MBNL2: variants seen among roughly 807,000 people sequenced by gnomAD.
The protein encoded by MBNL2 is muscleblind like splicing regulator 2, also known as muscleblind-like protein 2.
MBNL2 carries 17 observed loss-of-function variants against 41.9 expected under a neutral mutation model. The ratio of observed to expected loss-of-function variants is 0.41; its 90% CI spans 0.28 to 0.61. MBNL2 has a LOEUF of 0.61. Among genes scored for constraint, MBNL2 ranks in the 20% least tolerant of loss-of-function variants. The pLI is 0.35. For synonymous variants in MBNL2, 195 were observed against 182.9 expected, an observed-to-expected ratio of 1.07 and a Z score of -0.53; for missense variants, 336 against 505.6, an observed-to-expected ratio of 0.66 and a Z score of 3.22.
chr13:97,236,213 A>G (rs371004692), intron 1 of MBNL2, among the ~76,000 whole-genome samples: 1 of 152,136 alleles, frequency 6.6e-6, no homozygotes, highest in African/African-American at 2.4e-5. Context: ...TCCTACACAC[A>G]AAATTACTCC....
chr13:97,148,938 C>A, the MBNL2 span, among the ~76,000 whole-genome samples: 482 of 152,334 alleles, frequency 3.2e-3, 7 homozygotes, highest in African/African-American at 0.011. Flanking sequence ...CACACAAGAA[C>A]ATTTCCATTT....
At chr13:97,291,352 C>T (rs993626544) in intron 2 of MBNL2, among the ~76,000 whole-genome samples, 7 of 152,014 alleles carry the variant, frequency 4.6e-5, no homozygotes, top group African/African-American at 1.7e-4. Flanking sequence ...AGCGATTCTC[C>T]TGCCTCAGCC....
At chr13:97,168,528 T>G in the MBNL2 span, among the ~76,000 whole-genome samples, 1 of 152,220 alleles carries the variant, frequency 6.6e-6, no homozygotes, top group Non-Finnish European at 1.5e-5. Context: ...ATATTCTAAA[T>G]AATTTTTAAC....
chr13:97,208,265 C>T, the MBNL2 span, among the ~76,000 whole-genome samples: 114 of 152,078 alleles, frequency 7.5e-4, no homozygotes, highest in Non-Finnish European at 1.4e-3. Context: ...TTTTATTTTC[C>T]GAGATCATGT....
the MBNL2 span, among the ~76,000 whole-genome samples, chr13:97,203,618 G>A: frequency 6.6e-6 from 1 of 152,002 alleles, no homozygotes; most frequent in East Asian, 1.9e-4. Context: ...TCTTGGCATG[G>A]CCTCCCCTGC....
intron 8 of MBNL2, among the ~76,000 whole-genome samples, chr13:97,389,223 C>T (rs1484161653): frequency 6.6e-6 from 1 of 152,216 alleles, no homozygotes; most frequent in African/African-American, 2.4e-5. Flanking sequence ...TCGTCAAATA[C>T]AAGTTCAAAG....
intron 2 of MBNL2, among the ~76,000 whole-genome samples, chr13:97,291,906 A>AAAT (rs1342526600): frequency 7.2e-6 from 1 of 138,176 alleles, no homozygotes; most frequent in Admixed American, 7.3e-5. Context: ...GTCTCAAAAA[A>AAAT]AAAAAAAAAA....
intron 2 of MBNL2, among the ~76,000 whole-genome samples, chr13:97,286,069 C>T (rs1043516947): frequency 2.0e-5 from 3 of 152,226 alleles, no homozygotes; most frequent in Non-Finnish European, 4.4e-5. Flanking sequence ...AATCCAACGA[C>T]CATAAACATT....
intron 5 of MBNL2, among the ~76,000 whole-genome samples, chr13:97,352,699 T>C (rs571407900): frequency 1.3e-5 from 2 of 152,216 alleles, no homozygotes; most frequent in African/African-American, 4.8e-5. Context: ...AGACTCAACA[T>C]AGGGTTGCCA....
At chr13:97,303,276 T>A (rs2057811819) in intron 2 of MBNL2, among the ~76,000 whole-genome samples, 1 of 152,082 alleles carries the variant, frequency 6.6e-6, no homozygotes, top group Non-Finnish European at 1.5e-5. Flanking sequence ...CAGATTTGGA[T>A]GGCAGAAGTC....
At chr13:97,380,389 G>T (rs2153156031) in intron 8 of MBNL2, among the ~76,000 whole-genome samples, 1 of 152,244 alleles carries the variant, frequency 6.6e-6, no homozygotes, top group Non-Finnish European at 1.5e-5. Flanking sequence ...AGCTACTCGG[G>T]AGGCTGAGAC....
chr13:97,348,019 C>T lies in MBNL2; in HGVS notation c.804+952C>T, dbSNP rs577695470. On this transcript the variant is annotated intron_variant, in intron 5 of 8. Coordinates refer to ENST00000679496, the MANE Select transcript of MBNL2 (RefSeq NM_001382683.1). ...GGTCTGACCTGACATCTGTCCCTTT[C>T]CCTGAAGTTTCTTATTTTCTTATTT... Among the ~76,000 whole-genome samples, 40 of 151,584 alleles carry T rather than the reference C, an allele frequency of 2.6e-4. 1 individual carries two copies. The highest frequency in any genetic ancestry group is 2.0e-3 in the Admixed American group (31 of 15,230).
At chr13:97,185,946 C>T in the MBNL2 span, among the ~76,000 whole-genome samples, 1 of 152,212 alleles carries the variant, frequency 6.6e-6, no homozygotes, top group Non-Finnish European at 1.5e-5. Flanking sequence ...CCCGGCATTC[C>T]ACTGCTTCTC....
intron 2 of MBNL2, among the ~76,000 whole-genome samples, chr13:97,289,243 T>G (rs7999382): frequency 0.62 from 94,499 of 152,048 alleles, 29,826 homozygotes; most frequent in East Asian, 0.69. Flanking sequence ...AATATATAGA[T>G]GCTCTTAAAA....
intron 8 of MBNL2, among the ~76,000 whole-genome samples, chr13:97,376,078 G>A (rs1167961417): frequency 6.6e-6 from 1 of 152,186 alleles, no homozygotes; most frequent in Non-Finnish European, 1.5e-5. Flanking sequence ...GGGTAGAGGT[G>A]TGCAGGGACA....
the MBNL2 span, among the ~76,000 whole-genome samples, chr13:97,146,505 T>C: frequency 2.0e-5 from 3 of 152,102 alleles, no homozygotes; most frequent in African/African-American, 7.2e-5. Context: ...GGGATCTCAC[T>C]TGATTGGTGG....
chr13:97,299,385 C>T (rs778610426), intron 2 of MBNL2, among the ~76,000 whole-genome samples: 17 of 152,094 alleles, frequency 1.1e-4, no homozygotes, highest in Middle Eastern at 3.4e-3. Context: ...AGACAGACAC[C>T]AAGCAAATAA....
At chr13:97,159,256 T>G in the MBNL2 span, among the ~76,000 whole-genome samples, 2 of 151,636 alleles carry the variant, frequency 1.3e-5, no homozygotes, top group African/African-American at 4.9e-5. Context: ...TCGGTAGATC[T>G]TCCTCCATCC....
At chr13:97,227,877 C>T (rs1301906904) in intron 1 of MBNL2, among the ~76,000 whole-genome samples, 2 of 152,160 alleles carry the variant, frequency 1.3e-5, no homozygotes, top group Non-Finnish European at 2.9e-5. Context: ...CATTCAAGCA[C>T]AAAACCTGTG....
Sources: gnomAD v4.1 joint callset for allele counts (sites outside exome capture counted in the v4.1 genomes callset) on GRCh38, gnomAD v4.1.1 for gene constraint, MANE v1.5 for transcripts, NCBI Gene and HGNC (gene_info 2026-07-23, HGNC 2026-07-21) for gene names.